The following ADK variants were observed in gnomAD, a reference collection of about 807,000 sequenced individuals.
The protein encoded by ADK is N6,N6-dimethyladenosine kinase.
Under a neutral mutation model 44.7 loss-of-function variants are expected in ADK, and 24 were observed. That is an observed-to-expected ratio of 0.54 (90% CI 0.39 to 0.76). The LOEUF is 0.76. Ranked by LOEUF, ADK falls within the 30% of genes least tolerant of loss-of-function variation. The pLI, the probability that ADK is intolerant of heterozygous loss-of-function variation, is 0.00. For synonymous variants in ADK, 128 were observed against 142.6 expected (o/e 0.90, Z 0.73); for missense variants, 321 against 425.1 (o/e 0.76, Z 2.15).
intron 3 of ADK, among the ~76,000 whole-genome samples, chr10:74,268,001 C>T (rs368604723): frequency 1.3e-5 from 2 of 152,114 alleles, no homozygotes. Flanking sequence ...TAAAATTGCA[C>T]TTATTTCTTT....
chr10:74,673,717 C>T (rs757309658), intron 10 of ADK, among the ~76,000 whole-genome samples: 2 of 152,166 alleles, frequency 1.3e-5, no homozygotes, highest in East Asian at 1.9e-4. Context: ...ACTCATGGCA[C>T]CCGAGTTCTT....
intron 1 of ADK, among the ~76,000 whole-genome samples, chr10:74,195,112 A>G (rs1253083188): frequency 6.6e-6 from 1 of 151,844 alleles, no homozygotes; most frequent in African/African-American, 2.4e-5. Flanking sequence ...ATTGTTCAGA[A>G]TCTCTCATCC....
At chr10:74,611,788 C>T (rs1852555448) in intron 9 of ADK, among the ~76,000 whole-genome samples, 1 of 152,032 alleles carries the variant, frequency 6.6e-6, no homozygotes, top group Admixed American at 6.6e-5. Context: ...ATCTATGCTG[C>T]TGCAAAGGAC....
intron 9 of ADK, among the ~76,000 whole-genome samples, chr10:74,636,752 C>T (rs1853633815): frequency 6.6e-6 from 1 of 152,262 alleles, no homozygotes; most frequent in Middle Eastern, 3.4e-3. Flanking sequence ...GCCAATAATA[C>T]AGAGGAGTCT....
chr10:74,519,926 A>G (rs1269637358), intron 6 of ADK, among the ~76,000 whole-genome samples: 2 of 151,766 alleles, frequency 1.3e-5, no homozygotes, highest in African/African-American at 2.4e-5. Flanking sequence ...ACTATAGCAA[A>G]TATTTAGATA....
chr10:74,691,327 G>C (rs1313412626), intron 10 of ADK, among the ~76,000 whole-genome samples: 1 of 152,156 alleles, frequency 6.6e-6, no homozygotes. Context: ...AATATATCAG[G>C]TTTGCTTTAA....
At chr10:74,459,780 T>G (rs1222487932) in intron 6 of ADK, among the ~76,000 whole-genome samples, 1 of 148,518 alleles carries the variant, frequency 6.7e-6, no homozygotes, top group African/African-American at 2.5e-5. Context: ...AAAATCAGGC[T>G]CTCTGTAGTC....
At chr10:74,418,372 G>T (rs1200993758) in intron 6 of ADK, among the ~76,000 whole-genome samples, 1 of 151,788 alleles carries the variant, frequency 6.6e-6, no homozygotes, top group African/African-American at 2.4e-5. Context: ...TTTTTTTCCA[G>T]TGGAATACAT....
At chr10:74,629,878 C>T (rs1199675036) in intron 9 of ADK, among the ~76,000 whole-genome samples, 1 of 152,024 alleles carries the variant, frequency 6.6e-6, no homozygotes, top group East Asian at 1.9e-4. Flanking sequence ...AATTAAGACC[C>T]ACTACTAGTG....
intron 9 of ADK, among the ~76,000 whole-genome samples, chr10:74,660,742 A>AG (rs1198826769): frequency 1.8e-4 from 26 of 145,882 alleles, no homozygotes; most frequent in African/African-American, 6.4e-4. Flanking sequence ...AAAAAAAAAA[A>AG]AAAAAAAGAG....
intron 3 of ADK, among the ~76,000 whole-genome samples, chr10:74,244,216 AAAG>A (rs1041200495): frequency 4.6e-5 from 7 of 152,244 alleles, no homozygotes; most frequent in African/African-American, 1.4e-4. Context: ...CAGTTTTTTC[AAAG>A]AAGTATTCAT....
chr10:74,177,945 A>ATATATATATT (rs10693309), intron 1 of ADK, among the ~76,000 whole-genome samples: 122 of 108,964 alleles, frequency 1.1e-3, no homozygotes, highest in Middle Eastern at 5.2e-3. Flanking sequence ...ATATATATAT[A>ATATATATATT]TTTTTTTTTT....
intron 9 of ADK, among the ~76,000 whole-genome samples, chr10:74,631,478 A>C (rs1444141396): frequency 1.3e-5 from 2 of 151,184 alleles, no homozygotes; most frequent in Non-Finnish European, 3.0e-5. Context: ...GAATGGTCTC[A>C]AACTCCTGAC....
intron 3 of ADK, among the ~76,000 whole-genome samples, chr10:74,247,228 T>TTG (rs1845457715): frequency 2.3e-5 from 2 of 88,476 alleles, no homozygotes; most frequent in East Asian, 5.2e-4. Context: ...TTTTAAGTTT[T>TTG]TTTTTTTTTT....
intron 8 of ADK, among the ~76,000 whole-genome samples, chr10:74,593,487 G>A (rs1851787687): frequency 1.3e-5 from 2 of 150,522 alleles, no homozygotes; most frequent in African/African-American, 2.4e-5. Flanking sequence ...AAAAAAAAGC[G>A]ACACAAACAG....
chr10:74,549,220 C>G (rs914145916), intron 7 of ADK, among the ~76,000 whole-genome samples: 4 of 152,086 alleles, frequency 2.6e-5, no homozygotes, highest in Non-Finnish European at 5.9e-5. Context: ...TGAAATCACA[C>G]ACAGTGAGGG....
intron 4 of ADK, among the ~76,000 whole-genome samples, chr10:74,322,904 A>G (rs895410392): frequency 4.0e-5 from 6 of 151,696 alleles, no homozygotes; most frequent in Admixed American, 3.3e-4. Context: ...TTTTACTGCT[A>G]TTAGTGATAA....
intron 10 of ADK, among the ~76,000 whole-genome samples, chr10:74,695,051 A>T (rs932852010): frequency 3.9e-5 from 6 of 151,992 alleles, no homozygotes; most frequent in African/African-American, 1.4e-4. Context: ...TTCCCCATGA[A>T]TTTGCAATGG....
At chr10:74,239,753 A>G (rs1338578889) in intron 3 of ADK, among the ~76,000 whole-genome samples, 2 of 149,916 alleles carry the variant, frequency 1.3e-5, no homozygotes, top group Admixed American at 6.6e-5. Flanking sequence ...ACACAATAAA[A>G]GTAAAATTGT....
Sources: allele counts gnomAD v4.1 joint callset (sites outside exome capture counted in the v4.1 genomes callset), GRCh38; gene constraint gnomAD v4.1.1; transcripts MANE v1.5; gene names NCBI Gene and HGNC (gene_info 2026-07-23, HGNC 2026-07-21).